The following ARL15 variants were observed in gnomAD, a reference collection of about 807,000 sequenced individuals.
ARL15 encodes the protein ARF like GTPase 15.
In ARL15, 19 loss-of-function variants were observed where a neutral mutation model predicts 25.2. The ratio of observed to expected loss-of-function variants is 0.75; its 90% confidence interval spans 0.53 to 1.10. The LOEUF (loss-of-function observed/expected upper bound fraction) is 1.10, where lower values mean the gene tolerates loss of function less well. Among genes scored for constraint, ARL15 ranks in the 50% least tolerant of loss-of-function variants. The probability of loss-of-function intolerance (pLI) is 0.00; values close to 1 mark genes in which losing one functional copy is unlikely to be tolerated. For synonymous variants in ARL15, 94 were observed against 86.8 expected (o/e 1.08, Z -0.46); for missense variants, 220 against 246.0 (o/e 0.89, Z 0.71).
At chr5:54,074,639 G>T (rs1189182705) in intron 4 of ARL15, among the ~76,000 whole-genome samples, 2 of 152,102 alleles carry the variant, frequency 1.3e-5, no homozygotes, top group Non-Finnish European at 2.9e-5. Context: ...GTGTTATTAA[G>T]AAAAGGCACA....
chr5:53,925,997 C>CTTTTTTTTTTTT (rs70986651), intron 4 of ARL15, among the ~76,000 whole-genome samples: 2 of 122,798 alleles, frequency 1.6e-5, no homozygotes, highest in African/African-American at 5.9e-5. Flanking sequence ...TTTTTTCTTT[C>CTTTTTTTTTTTT]TTTTTTTTTT....
intron 4 of ARL15, among the ~76,000 whole-genome samples, chr5:54,088,597 G>A (rs1752045713): frequency 6.6e-6 from 1 of 152,140 alleles, no homozygotes; most frequent in Admixed American, 6.6e-5. Context: ...AAGTAATGAG[G>A]ATTTTCCTCA....
At chr5:54,164,559 G>A (rs1393962986) in intron 2 of ARL15, among the ~76,000 whole-genome samples, 2 of 152,004 alleles carry the variant, frequency 1.3e-5, no homozygotes, top group African/African-American at 4.8e-5. Context: ...GTACATAAAT[G>A]TGTAGAATTA....
At position 53,947,167 on chromosome 5, in the gene ARL15, G is replaced by GGTGTGTGTGTGTGT. The variant is rs3222349; in HGVS notation, c.463-60468_463-60455dup. ...CTAGCCAAAGAGAAAAATAAATAAGGGTGTGTGTGTGTGTGTGTGTGTGTG... is the reference window on the plus strand; with the variant it reads ...CTAGCCAAAGAGAAAAATAAATAAGGGTGTGTGTGTGTGTGTGTGTGTGTGTGTGTGTGTGTGTG... On this transcript the variant is annotated intron_variant, in intron 4 of 4. Transcript: ENST00000504924. Among the ~76,000 whole-genome samples, 95 of 123,694 alleles carry GGTGTGTGTGTGTGT rather than the reference G, an allele frequency of 7.7e-4. 3 individuals are homozygous for GGTGTGTGTGTGTGT. The highest frequency in any genetic ancestry group is 2.5e-3 in the African/African-American group (84 of 32,986). The allele number at this position is 123,694 out of a possible 152,430, so 81.1% of individuals were successfully genotyped here. A position where few individuals can be genotyped will look rare whatever the true frequency, so the allele number is the denominator to read the frequency against.
At chr5:53,966,829 T>G (rs1431699520) in intron 4 of ARL15, among the ~76,000 whole-genome samples, 1 of 152,188 alleles carries the variant, frequency 6.6e-6, no homozygotes, top group Non-Finnish European at 1.5e-5. Context: ...CGCAAATATG[T>G]GAGACAAATT....
intron 1 of ARL15, among the ~76,000 whole-genome samples, chr5:54,240,894 G>A (rs1178610730): frequency 6.6e-6 from 1 of 152,120 alleles, no homozygotes; most frequent in Non-Finnish European, 1.5e-5. Flanking sequence ...ATGCTCAAAC[G>A]GTTAAAGTAT....
At chr5:54,119,530 T>G (rs1753009744) in intron 3 of ARL15, among the ~76,000 whole-genome samples, 1 of 152,144 alleles carries the variant, frequency 6.6e-6, no homozygotes, top group African/African-American at 2.4e-5. Context: ...TCCAGAAAAC[T>G]AGCTCAAATT....
At chr5:54,113,439 T>C (rs943635775) in intron 3 of ARL15, 29 bp from the exon 4 acceptor site, 3 of 1,599,686 alleles carry the variant, frequency 1.9e-6, no homozygotes, top group Non-Finnish European at 2.6e-6. Context: ...ATTTTCGTTT[T>C]AAAAAGAGCT....
At chr5:53,946,617 C>T (rs1041399025) in intron 4 of ARL15, among the ~76,000 whole-genome samples, 2 of 152,060 alleles carry the variant, frequency 1.3e-5, no homozygotes, top group East Asian at 1.9e-4. Context: ...TCTGTATAAG[C>T]GGTGCCCATG....
intron 2 of ARL15, among the ~76,000 whole-genome samples, chr5:54,158,824 G>A (rs1754318154): frequency 1.3e-5 from 2 of 152,220 alleles, no homozygotes; most frequent in South Asian, 2.1e-4. Flanking sequence ...AGTGAGCCGA[G>A]ATCAGGCCAC....
At chr5:54,175,039 T>C (rs982359724) in intron 1 of ARL15, among the ~76,000 whole-genome samples, 1 of 152,226 alleles carries the variant, frequency 6.6e-6, no homozygotes, top group Non-Finnish European at 1.5e-5. Context: ...CTGGCCTGAC[T>C]ACCCTGGCCC....
chr5:53,930,414 G>A lies in ARL15; in HGVS notation c.463-43701C>T, dbSNP rs1269311527. Among the ~76,000 whole-genome samples, 3 of 152,190 alleles carry A rather than the reference G, an allele frequency of 2.0e-5. No individual in the cohort carries two copies. The East Asian group carries it at 5.8e-4, about 29-fold the overall frequency. ...CCAAACAGTCTTTGAGAAGGAAAGG[G>A]TCACTTGAAAGAGAGAAAATTTCCC... On this transcript the variant is annotated intron_variant, in intron 4 of 4. Coordinates refer to ENST00000504924, the MANE Select transcript of ARL15 (RefSeq NM_019087.3).
At chr5:54,214,885 G>T (rs1349262290) in intron 1 of ARL15, among the ~76,000 whole-genome samples, 1 of 152,188 alleles carries the variant, frequency 6.6e-6, no homozygotes, top group African/African-American at 2.4e-5. Flanking sequence ...CCAGACTTGG[G>T]AAAACATTTC....
At chr5:53,911,095 C>A (rs1745450032) in intron 4 of ARL15, among the ~76,000 whole-genome samples, 1 of 152,164 alleles carries the variant, frequency 6.6e-6, no homozygotes, top group Non-Finnish European at 1.5e-5. Flanking sequence ...TCATTGAAAG[C>A]CACCAATATT....
chr5:54,240,107 G>C (rs1377501594), intron 1 of ARL15, among the ~76,000 whole-genome samples: 1 of 151,600 alleles, frequency 6.6e-6, no homozygotes, highest in Non-Finnish European at 1.5e-5. Context: ...GGCACCTGTA[G>C]TCCCAGCTAC....
intron 3 of ARL15, among the ~76,000 whole-genome samples, chr5:54,116,592 C>A (rs1752907020): frequency 6.6e-6 from 1 of 152,196 alleles, no homozygotes; most frequent in South Asian, 2.1e-4. Flanking sequence ...CTAATGCCCA[C>A]AGAATGCTTT....
chr5:54,125,080 G>GTTTTTT (rs1469132382), intron 3 of ARL15, among the ~76,000 whole-genome samples: 3 of 142,024 alleles, frequency 2.1e-5, no homozygotes, highest in African/African-American at 8.0e-5. Flanking sequence ...GTTTTGTTTT[G>GTTTTTT]TTTTGTTTTT....
intron 4 of ARL15, among the ~76,000 whole-genome samples, chr5:53,938,618 G>A (rs1345896019): frequency 6.6e-6 from 1 of 152,208 alleles, no homozygotes; most frequent in African/African-American, 2.4e-5. Flanking sequence ...TTGAGACCAG[G>A]AGTTCGAGAC....
intron 4 of ARL15, among the ~76,000 whole-genome samples, chr5:54,072,093 T>C (rs1300261302): frequency 6.6e-6 from 1 of 152,110 alleles, no homozygotes; most frequent in East Asian, 1.9e-4. Flanking sequence ...ACTCTTATTG[T>C]TTTCAGGACA....
Sources: allele counts gnomAD v4.1 joint callset (sites outside exome capture counted in the v4.1 genomes callset), GRCh38; gene constraint gnomAD v4.1.1; transcripts MANE v1.5; gene names NCBI Gene and HGNC (gene_info 2026-07-23, HGNC 2026-07-21).